GUCY1A2: variants seen among roughly 807,000 people sequenced by gnomAD.
GUCY1A2 encodes the protein guanylate cyclase 1 soluble subunit alpha 2.
A neutral mutation model predicts 63.5 loss-of-function variants in GUCY1A2; 27 were observed. That is an observed-to-expected ratio of 0.43 (90% CI 0.31 to 0.59). The LOEUF is 0.59. Ranked by LOEUF, GUCY1A2 falls within the 20% of genes least tolerant of loss-of-function variation. GUCY1A2 has a pLI of 0.11. For synonymous variants in GUCY1A2, 364 were observed against 343.5 expected, an observed-to-expected ratio of 1.06 and a Z score of -0.66; for missense variants, 768 against 913.3, an observed-to-expected ratio of 0.84 and a Z score of 2.05.
intron 4 of GUCY1A2, among the ~76,000 whole-genome samples, chr11:106,816,219 C>T (rs1348230221): frequency 8.3e-6 from 1 of 120,112 alleles, no homozygotes; most frequent in Admixed American, 8.1e-5. Context: ...ATATACCGAC[C>T]AAATCCTAGG....
At chr11:106,944,183 C>A (rs867431199) in intron 3 of GUCY1A2, among the ~76,000 whole-genome samples, 1 of 92,716 alleles carries the variant, frequency 1.1e-5, no homozygotes, top group South Asian at 3.3e-4. Flanking sequence ...CCACTGCACT[C>A]CAGCCTGGGC....
In GUCY1A2 at chr11:107,013,644, T is replaced by A. The variant is rs113362189; in HGVS notation, c.303+4109A>T. ...CTCATCACAACTTCCGCCTCCCGGGTTCAAGCGATTCTCGAGCCTCAGCCT... is the reference window on the plus strand; with the variant it reads ...CTCATCACAACTTCCGCCTCCCGGGATCAAGCGATTCTCGAGCCTCAGCCT... On this transcript the variant is annotated intron_variant, in intron 1 of 7. Coordinates refer to ENST00000526355, the MANE Select transcript of GUCY1A2 (RefSeq NM_000855.3). Among the ~76,000 whole-genome samples the A allele has an allele frequency of 9.3e-3, 1,408 of 151,992 alleles. 18 individuals carry two copies. The highest frequency in any genetic ancestry group is 0.031 in the African/African-American group (1,295 of 41,420).
At chr11:106,774,691 C>A (rs1864324196) in intron 6 of GUCY1A2, among the ~76,000 whole-genome samples, 1 of 152,114 alleles carries the variant, frequency 6.6e-6, no homozygotes, top group Admixed American at 6.5e-5. Flanking sequence ...TCTCTCCGCC[C>A]TGTCTCCCAC....
chr11:106,767,675 C>G (rs543352166), intron 6 of GUCY1A2, among the ~76,000 whole-genome samples: 8 of 152,156 alleles, frequency 5.3e-5, no homozygotes, highest in Middle Eastern at 3.4e-3. Flanking sequence ...AATCATTATG[C>G]TGATATCTTA....
intron 6 of GUCY1A2, among the ~76,000 whole-genome samples, chr11:106,717,335 A>G (rs903840239): frequency 6.6e-6 from 1 of 152,202 alleles, no homozygotes; most frequent in Non-Finnish European, 1.5e-5. Context: ...CATAGTAGAC[A>G]TTCGAAAAGA....
At chr11:106,695,147 C>T (rs977944112) in intron 7 of GUCY1A2, among the ~76,000 whole-genome samples, 6 of 152,152 alleles carry the variant, frequency 3.9e-5, no homozygotes, top group African/African-American at 1.4e-4. Context: ...CATACACTTA[C>T]CACCTTCCTC....
intron 3 of GUCY1A2, among the ~76,000 whole-genome samples, chr11:106,942,270 C>T (rs1426762357): frequency 6.6e-6 from 1 of 152,132 alleles, no homozygotes; most frequent in African/African-American, 2.4e-5. Flanking sequence ...TCTCTTTTGG[C>T]TTATCAAACC....
At chr11:106,812,436 G>C in intron 4 of GUCY1A2, among the ~76,000 whole-genome samples, 1 of 150,936 alleles carries the variant, frequency 6.6e-6, no homozygotes, top group East Asian at 2.0e-4. Context: ...CCTTCTGCTG[G>C]TCTCTCTTCT....
chr11:106,912,853 T>G (rs567850773), intron 4 of GUCY1A2, among the ~76,000 whole-genome samples: 8 of 152,282 alleles, frequency 5.3e-5, no homozygotes, highest in African/African-American at 1.9e-4. Flanking sequence ...ATAAGAACAA[T>G]CAGCTCATCA....
intron 7 of GUCY1A2, among the ~76,000 whole-genome samples, chr11:106,690,104 C>G (rs1862597107): frequency 6.6e-6 from 1 of 151,984 alleles, no homozygotes; most frequent in Non-Finnish European, 1.5e-5. Context: ...TGGTGGAAGA[C>G]AGTGTGGAGA....
intron 6 of GUCY1A2, among the ~76,000 whole-genome samples, chr11:106,720,977 T>A (rs947511866): frequency 6.6e-6 from 1 of 152,118 alleles, no homozygotes; most frequent in Non-Finnish European, 1.5e-5. Flanking sequence ...CAAATTATTC[T>A]GAAAAACGAA....
At chr11:106,910,154 T>C (rs1022806884) in intron 4 of GUCY1A2, among the ~76,000 whole-genome samples, 15 of 152,036 alleles carry the variant, frequency 9.9e-5, no homozygotes, top group African/African-American at 3.6e-4. Context: ...AGTTACAGTA[T>C]ATCCTTATGA....
intron 4 of GUCY1A2, among the ~76,000 whole-genome samples, chr11:106,880,545 G>T (rs1161677974): frequency 6.6e-6 from 1 of 151,926 alleles, no homozygotes; most frequent in East Asian, 1.9e-4. Context: ...AAATCAACAG[G>T]GGTTTGGCAT....
chr11:106,826,805 A>G (rs1858977235), intron 4 of GUCY1A2: 1 of 1,609,522 alleles, frequency 6.2e-7, no homozygotes, highest in African/African-American at 1.3e-5. Context: ...CTCAGCTGCC[A>G]GGATGTAGTA....
intron 6 of GUCY1A2, among the ~76,000 whole-genome samples, chr11:106,745,843 G>A (rs1408625359): frequency 6.6e-6 from 1 of 152,174 alleles, no homozygotes; most frequent in Non-Finnish European, 1.5e-5. Context: ...GCTAATGACA[G>A]CCAGAGGGAT....
chr11:106,878,683 C>G (rs1172469650), intron 4 of GUCY1A2, among the ~76,000 whole-genome samples: 2 of 151,150 alleles, frequency 1.3e-5, no homozygotes, highest in Non-Finnish European at 2.9e-5. Context: ...GGGTACTAGG[C>G]CTAATACATG....
chr11:106,961,952 C>T (rs1164938526), intron 3 of GUCY1A2, among the ~76,000 whole-genome samples: 2 of 152,148 alleles, frequency 1.3e-5, no homozygotes, highest in African/African-American at 2.4e-5. Flanking sequence ...ATTCTGCTGT[C>T]TGTAGAGCTG....
chr11:106,865,685 G>A (rs1859582683), intron 4 of GUCY1A2, among the ~76,000 whole-genome samples: 1 of 151,878 alleles, frequency 6.6e-6, no homozygotes, highest in East Asian at 1.9e-4. Context: ...ACCATTAGGA[G>A]AAACACCTAA....
At chr11:106,740,686 G>GTATGTATGTATGTATA (rs1863680339) in intron 6 of GUCY1A2, among the ~76,000 whole-genome samples, 1 of 150,716 alleles carries the variant, frequency 6.6e-6, no homozygotes, top group Non-Finnish European at 1.5e-5. Context: ...ATGTATGTAT[G>GTATGTATGTATGTATA]TATTTAGAGA....
Sources: allele counts gnomAD v4.1 joint callset (sites outside exome capture counted in the v4.1 genomes callset), GRCh38; gene constraint gnomAD v4.1.1; transcripts MANE v1.5; gene names NCBI Gene and HGNC (gene_info 2026-07-23, HGNC 2026-07-21).